The following HIBADH variants were observed in gnomAD, a reference collection of about 807,000 sequenced individuals.
HIBADH encodes the protein 3-hydroxyisobutyrate dehydrogenase, also known as 3-hydroxyisobutyrate dehydrogenase, mitochondrial.
HIBADH carries 25 observed loss-of-function variants against 36.1 expected under a neutral mutation model. The ratio of observed to expected loss-of-function variants is 0.69; its 90% CI spans 0.50 to 0.97. HIBADH has a LOEUF of 0.97. HIBADH is among the 50% of genes least tolerant of loss of function. HIBADH has a pLI of 0.00. For missense variants in HIBADH, 421 were observed against 418.0 expected, an observed-to-expected ratio of 1.01 and a Z score of -0.06; for synonymous variants, 160 against 149.5, an observed-to-expected ratio of 1.07 and a Z score of -0.51.
chr7:27,594,514 G>C (rs1019997801), intron 4 of HIBADH, among the ~76,000 whole-genome samples: 1 of 152,160 alleles, frequency 6.6e-6, no homozygotes, highest in Non-Finnish European at 1.5e-5. Context: ...TTCTTAAATA[G>C]AAAGATTTAG....
At chr7:27,591,783 C>G (rs1049076121) in intron 4 of HIBADH, among the ~76,000 whole-genome samples, 1 of 152,184 alleles carries the variant, frequency 6.6e-6, no homozygotes, top group Non-Finnish European at 1.5e-5. Context: ...AAAACAGCAT[C>G]TTTTAAATGG....
At chr7:27,632,217 T>G in intron 3 of HIBADH, 119 bp downstream of exon 3, 1 of 671,426 alleles carries the variant, frequency 1.5e-6, no homozygotes, top group Non-Finnish European at 2.5e-6. Flanking sequence ...ATTCACTTTA[T>G]GAAATAAAAA....
chr7:27,600,740 C>G (rs985188522), intron 4 of HIBADH, among the ~76,000 whole-genome samples: 4 of 152,076 alleles, frequency 2.6e-5, no homozygotes, highest in Admixed American at 2.0e-4. Flanking sequence ...AATCTGGAAA[C>G]TGGTAGATGG....
intron 4 of HIBADH, among the ~76,000 whole-genome samples, chr7:27,567,048 T>C (rs755091452): frequency 1.3e-5 from 2 of 152,196 alleles, no homozygotes; most frequent in Non-Finnish European, 2.9e-5. Flanking sequence ...GTTCATTTGA[T>C]TGACGATGTT....
At chr7:27,618,963 C>T (rs535926421) in intron 4 of HIBADH, among the ~76,000 whole-genome samples, 3 of 152,178 alleles carry the variant, frequency 2.0e-5, no homozygotes, top group African/African-American at 7.2e-5. Context: ...GCCCCCGTGA[C>T]CTCCCACCAG....
intron 7 of HIBADH, among the ~76,000 whole-genome samples, chr7:27,529,661 T>C (rs972435468): frequency 6.6e-6 from 1 of 152,250 alleles, no homozygotes; most frequent in Non-Finnish European, 1.5e-5. Context: ...GATCTACTCC[T>C]GGTGAAATGA....
At position 27,526,307 on chromosome 7, in the gene HIBADH, G is replaced by A. The variant is rs144470429; in HGVS notation, c.918C>T (p.Ala306=). Residue 306 remains alanine (A), a synonymous_variant, in exon 8 of 8, where the codon GCC becomes GCT. Transcript: ENST00000265395. ...TKSPILLGSL[A]HQIYRMMCAK... is the part of the protein sequence containing the mutation. Reference sequence around the variant, plus strand: ...CACACATCATCCTGTAGATCTGATGGGCCAGACTGCCAAGAAGGATTGGGC... The same window carrying A: ...CACACATCATCCTGTAGATCTGATGAGCCAGACTGCCAAGAAGGATTGGGC... 5 of 1,613,628 alleles carry A rather than the reference G, an allele frequency of 3.1e-6. No individual in the cohort carries two copies. The Admixed American group carries it at 5.0e-5, about 16-fold the overall frequency.
intron 1 of HIBADH, among the ~76,000 whole-genome samples, chr7:27,652,290 C>T (rs1163924165): frequency 6.6e-6 from 1 of 151,398 alleles, no homozygotes; most frequent in Non-Finnish European, 1.5e-5. Context: ...CACAAAGAAA[C>T]AAAACAGCAA....
rs1019290219 is a variant in HIBADH at position 27,526,208 on chromosome 7, G to A, written c.*6C>T. On this transcript the variant is annotated 3_prime_UTR_variant, in exon 8 of 8. Transcript: ENST00000265395. ...TCCCAACAGTGTCCGTGGCCAAAGGGCACACTCAGAAGGTCTCCTCCTCTC... is the reference window on the plus strand; with the variant it reads ...TCCCAACAGTGTCCGTGGCCAAAGGACACACTCAGAAGGTCTCCTCCTCTC... 6 of 1,600,272 alleles carry A rather than the reference G, an allele frequency of 3.7e-6. No homozygotes were observed. Among genetic ancestry groups the A allele is most frequent in the Admixed American group, 1.7e-5 (1 of 58,162 alleles).
rs1245277384 is a variant in HIBADH, at chr7:27,530,372, A to G, written c.852+820T>C. 2.0e-5 allele frequency among the ~76,000 whole-genome samples: 3 copies of G among 151,762 alleles called. No homozygotes were observed. The East Asian group carries it at 5.8e-4, about 29-fold the overall frequency. On this transcript the variant is annotated intron_variant, in intron 7 of 7. Coordinates refer to ENST00000265395, the MANE Select transcript of HIBADH (RefSeq NM_152740.4). ...AGACACGCACCACCACGCCCGACTA[A>G]TTTTTTTTATTTTTAGTAGAAACTG...
At chr7:27,624,076 G>A (rs1785595712) in intron 4 of HIBADH, among the ~76,000 whole-genome samples, 1 of 152,156 alleles carries the variant, frequency 6.6e-6, no homozygotes, top group Admixed American at 6.5e-5. Flanking sequence ...GGGATTACAA[G>A]CATAAGCCAC....
chr7:27,600,874 T>C (rs1347676887), intron 4 of HIBADH, among the ~76,000 whole-genome samples: 1 of 152,160 alleles, frequency 6.6e-6, no homozygotes, highest in African/African-American at 2.4e-5. Flanking sequence ...ACAATCTTAT[T>C]TGGTGCAAGA....
intron 4 of HIBADH, among the ~76,000 whole-genome samples, chr7:27,616,324 A>G (rs1785426610): frequency 6.6e-6 from 1 of 152,188 alleles, no homozygotes; most frequent in Non-Finnish European, 1.5e-5. Context: ...CCTCTCCTCC[A>G]ACACTGGGGA....
chr7:27,575,466 T>C (rs1256570192), intron 4 of HIBADH, among the ~76,000 whole-genome samples: 2 of 151,832 alleles, frequency 1.3e-5, no homozygotes, highest in African/African-American at 2.4e-5. Flanking sequence ...GAGCCTTGAA[T>C]GGCAGGCTGA....
chr7:27,560,572 G>A (rs79189436), intron 4 of HIBADH, among the ~76,000 whole-genome samples: 18,150 of 152,158 alleles, frequency 0.12, 1,511 homozygotes, highest in East Asian at 0.43. Flanking sequence ...TAAATATATC[G>A]TTGTTTCTTC....
intron 4 of HIBADH, among the ~76,000 whole-genome samples, chr7:27,597,835 TGTATTA>T (rs372550023): frequency 1.3e-5 from 2 of 152,206 alleles, no homozygotes; most frequent in African/African-American, 4.8e-5. Context: ...TTTGATTACC[TGTATTA>T]GTATAAGAAA....
At chr7:27,646,080 A>C (rs1446885473) in intron 2 of HIBADH, among the ~76,000 whole-genome samples, 1 of 152,172 alleles carries the variant, frequency 6.6e-6, no homozygotes, top group Non-Finnish European at 1.5e-5. Context: ...ATTTTATAGG[A>C]CATCTTTGGG....
Position 27,649,496 on chromosome 7 carries a change from C to G in HIBADH, c.229G>C (p.Glu77Gln), listed in dbSNP as rs371063501. 1.9e-6 allele frequency: 3 copies of G among 1,612,796 alleles called. No individual in the cohort carries two copies. Among genetic ancestry groups the G allele is most frequent in the Non-Finnish European group, 2.5e-6 (3 of 1,179,504 alleles). Residue 77 changes from glutamate to glutamine, a missense_variant, in exon 2 of 8, where the codon GAG (glutamate) becomes CAG (glutamine). Coordinates refer to ENST00000265395, the MANE Select transcript of HIBADH (RefSeq NM_152740.4). ...IYDVFPDACK[E>Q]FQDAGEQVVS... ...ACCTGTTCACCTGCATCTTGAAACT[C>G]TTTGCAGGCATCAGGGAACACATCA...
At chr7:27,530,299 G>A (rs535969981) in intron 7 of HIBADH, among the ~76,000 whole-genome samples, 11 of 151,948 alleles carry the variant, frequency 7.2e-5, no homozygotes, top group Admixed American at 3.9e-4. Context: ...TCCACCTCCC[G>A]GGTTCAAGCG....
Sources: allele counts gnomAD v4.1 joint callset (sites outside exome capture counted in the v4.1 genomes callset), GRCh38; gene constraint gnomAD v4.1.1; transcripts MANE v1.5; gene names NCBI Gene and HGNC (gene_info 2026-07-23, HGNC 2026-07-21).